The following ADIPOR2 variants were observed in gnomAD, a reference collection of about 807,000 sequenced individuals.
ADIPOR2 encodes the protein adiponectin receptor protein 2.
ADIPOR2 carries 18 observed loss-of-function variants against 40.9 expected under a neutral mutation model. The ratio of observed to expected loss-of-function variants is 0.44; its 90% CI spans 0.30 to 0.65. The LOEUF (loss-of-function observed/expected upper bound fraction) is 0.65. ADIPOR2 is among the 30% of genes least tolerant of loss of function. The pLI, the probability that ADIPOR2 is intolerant of heterozygous loss-of-function variation, is 0.09. For missense variants in ADIPOR2, 283 were observed against 479.2 expected (o/e 0.59, Z 3.82); for synonymous variants, 165 against 166.4 (o/e 0.99, Z 0.06).
chr12:1,736,203 G>A (rs1393623929), intron 1 of ADIPOR2, among the ~76,000 whole-genome samples: 1 of 152,086 alleles, frequency 6.6e-6, no homozygotes, highest in African/African-American at 2.4e-5. Context: ...GGTAGAATTC[G>A]GCTGTGAATC....
At chr12:1,736,461 C>T (rs1256657802) in intron 1 of ADIPOR2, among the ~76,000 whole-genome samples, 3 of 152,158 alleles carry the variant, frequency 2.0e-5, no homozygotes, top group Admixed American at 6.5e-5. Context: ...ATCACAATCC[C>T]CTGTATCATT....
intron 1 of ADIPOR2, among the ~76,000 whole-genome samples, chr12:1,701,793 G>A (rs1162570369): frequency 6.6e-6 from 1 of 152,008 alleles, no homozygotes; most frequent in African/African-American, 2.4e-5. Context: ...AGGAATCATT[G>A]TGCTTACATT....
chr12:1,781,103 C>A (rs773212306), intron 6 of ADIPOR2, 27 bp downstream of exon 6: 5 of 1,525,356 alleles, frequency 3.3e-6, no homozygotes, highest in South Asian at 1.3e-5. Context: ...GTTCTACATT[C>A]GACATTCATT....
At chr12:1,751,828 G>A (rs899824798) in intron 1 of ADIPOR2, among the ~76,000 whole-genome samples, 1 of 151,090 alleles carries the variant, frequency 6.6e-6, no homozygotes, top group Non-Finnish European at 1.5e-5. Context: ...CTGAGCGTGC[G>A]TTTATAGTCT....
intron 2 of ADIPOR2, 132 bp from the exon 3 acceptor site, chr12:1,772,708 CTA>C (rs1862513120): frequency 9.1e-7 from 1 of 1,096,800 alleles, no homozygotes; most frequent in Non-Finnish European, 1.3e-6. Context: ...AACTGACTTA[CTA>C]TATTGTTGAT....
chr12:1,730,389 G>A (rs1039145778), intron 1 of ADIPOR2, among the ~76,000 whole-genome samples: 1 of 151,380 alleles, frequency 6.6e-6, no homozygotes, highest in Non-Finnish European at 1.5e-5. Flanking sequence ...AGGCCAAGGC[G>A]AGTGGATCAT....
intron 2 of ADIPOR2, among the ~76,000 whole-genome samples, chr12:1,762,586 G>A (rs1231562620): frequency 6.6e-6 from 1 of 152,184 alleles, no homozygotes; most frequent in Non-Finnish European, 1.5e-5. Flanking sequence ...TAGATGCTTA[G>A]GGAAGCTTAA....
At chr12:1,759,975 G>A (rs541106219) in intron 2 of ADIPOR2, among the ~76,000 whole-genome samples, 83 of 152,024 alleles carry the variant, frequency 5.5e-4, no homozygotes, top group Admixed American at 1.1e-3. Flanking sequence ...GCAGTGAACC[G>A]AGATTGCACC....
chr12:1,695,663 CA>C lies in ADIPOR2; in HGVS notation c.-87+4490del, dbSNP rs34987467. Reference sequence around the variant, plus strand: ...GGGCAACAGGAGCAAAACTCCATCTCAAAAAAAAAAAAAAAAAATGACGAAA... The same window carrying C: ...GGGCAACAGGAGCAAAACTCCATCTCAAAAAAAAAAAAAAAAATGACGAAA... On this transcript the variant is annotated intron_variant, in intron 1 of 7. Transcript: ENST00000357103. 6.1e-3 allele frequency among the ~76,000 whole-genome samples: 660 copies of C among 109,082 alleles called. 8 individuals carry two copies. The highest frequency in any genetic ancestry group is 0.021 in the African/African-American group (587 of 27,690). 71.6% of individuals were successfully genotyped at this position (109,082 alleles called of 152,430 possible).
At chr12:1,700,813 G>A (rs1480055733) in intron 1 of ADIPOR2, among the ~76,000 whole-genome samples, 1 of 148,458 alleles carries the variant, frequency 6.7e-6, no homozygotes. Context: ...AAAAAAAAAG[G>A]TGAGGGCTAA....
At chr12:1,781,791 TCTA>T (rs1862725600) in intron 6 of ADIPOR2, among the ~76,000 whole-genome samples, 1 of 152,150 alleles carries the variant, frequency 6.6e-6, no homozygotes, top group African/African-American at 2.4e-5. Flanking sequence ...AGTATTAAAA[TCTA>T]AACCCTGGAT....
At chr12:1,710,770 T>C (rs1057228652) in intron 1 of ADIPOR2, among the ~76,000 whole-genome samples, 1 of 152,068 alleles carries the variant, frequency 6.6e-6, no homozygotes, top group South Asian at 2.1e-4. Flanking sequence ...ACTCTGTAGG[T>C]CAGCCAAAGG....
intron 2 of ADIPOR2, among the ~76,000 whole-genome samples, chr12:1,768,025 C>A (rs563487593): frequency 6.6e-6 from 1 of 152,258 alleles, no homozygotes; most frequent in East Asian, 1.9e-4. Context: ...TAATAAAGTT[C>A]TGTTGATATA....
At chr12:1,778,515 A>G (rs1196015290) in intron 4 of ADIPOR2, 4 of 152,364 alleles carry the variant, frequency 2.6e-5, no homozygotes, top group African/African-American at 9.7e-5. Flanking sequence ...ACTGAGCCAT[A>G]TGTAAAAGAA....
At chr12:1,768,743 A>G (rs1319957136) in intron 2 of ADIPOR2, among the ~76,000 whole-genome samples, 2 of 152,240 alleles carry the variant, frequency 1.3e-5, no homozygotes, top group Non-Finnish European at 2.9e-5. Context: ...CAGTTTGGAC[A>G]GATCATCAAA....
chr12:1,748,398 G>A (rs12319781), intron 1 of ADIPOR2, among the ~76,000 whole-genome samples: 2,097 of 152,018 alleles, frequency 0.014, 38 homozygotes, highest in African/African-American at 0.037. Context: ...ACAGGTGCCC[G>A]CCACCACGCC....
intron 1 of ADIPOR2, among the ~76,000 whole-genome samples, chr12:1,744,854 C>T (rs140430505): frequency 9.2e-5 from 14 of 152,276 alleles, no homozygotes; most frequent in African/African-American, 3.1e-4. Flanking sequence ...TAAGCTCTAT[C>T]GAGTTCAAGA....
intron 1 of ADIPOR2, among the ~76,000 whole-genome samples, chr12:1,694,682 GT>G (rs1394227874): frequency 1.3e-5 from 2 of 152,186 alleles, no homozygotes; most frequent in Non-Finnish European, 2.9e-5. Flanking sequence ...TCATGCGCTA[GT>G]TTCCAGTTTT....
chr12:1,766,788 C>G (rs1176291548), intron 2 of ADIPOR2, among the ~76,000 whole-genome samples: 1 of 152,152 alleles, frequency 6.6e-6, no homozygotes, highest in African/African-American at 2.4e-5. Flanking sequence ...GCTCCAGATT[C>G]TTCTTTATAA....
Sources: gnomAD v4.1 joint callset for allele counts (sites outside exome capture counted in the v4.1 genomes callset) on GRCh38, gnomAD v4.1.1 for gene constraint, MANE v1.5 for transcripts, NCBI Gene and HGNC (gene_info 2026-07-23, HGNC 2026-07-21) for gene names.